The following BLACAT1 variants were observed in gnomAD, a reference collection of about 807,000 sequenced individuals.
The protein encoded by BLACAT1 is BLACAT1 overlapping LEMD1 locus, also known as bladder cancer associated transcript 1.
chr1:205,438,225 C>A (rs1388799664), downstream of BLACAT1, among the ~76,000 whole-genome samples: 2 of 152,220 alleles, frequency 1.3e-5, no homozygotes, highest in Admixed American at 1.3e-4. Flanking sequence ...CACCCATCTG[C>A]AAGGAGGAAT....
downstream of BLACAT1, chr1:205,437,912 A>C (rs1666234531): frequency 6.6e-6 from 1 of 152,126 alleles, no homozygotes; most frequent in Non-Finnish European, 1.5e-5. Flanking sequence ...TCAGTTAGTT[A>C]ATTATTGCTC....
At chr1:205,435,180 C>G (rs1240794089), downstream of BLACAT1, 1 of 152,298 alleles carries the variant, frequency 6.6e-6, no homozygotes, top group South Asian at 2.1e-4. Context: ...GTCTTGAGGA[C>G]GTGAAATGTA....
At chr1:205,435,145 A>T (rs919007571), downstream of BLACAT1, 2 of 152,204 alleles carry the variant, frequency 1.3e-5, no homozygotes, top group African/African-American at 4.8e-5. Flanking sequence ...TACAGAATTA[A>T]TCCAGACCTG....
chr1:205,449,963 A>G (rs1666467821), intron 1 of BLACAT1: 2 of 150,126 alleles, frequency 1.3e-5, no homozygotes. Flanking sequence ...TCACTCCTCC[A>G]CTCACCCCGA....
At chr1:205,445,791 CAG>C (rs1365906239) in intron 1 of BLACAT1, among the ~76,000 whole-genome samples, 5 of 152,296 alleles carry the variant, frequency 3.3e-5, no homozygotes, top group Non-Finnish European at 7.4e-5. Context: ...CCTGGTGGAC[CAG>C]ACTGTCAGCG....
downstream of BLACAT1, chr1:205,435,247 G>A (rs1199185740): frequency 1.3e-5 from 2 of 152,250 alleles, no homozygotes; most frequent in African/African-American, 4.8e-5. Flanking sequence ...CTACATAGGG[G>A]TATATAGGTG....
chr1:205,452,744 A>G (rs557667725), intron 1 of BLACAT1, among the ~76,000 whole-genome samples: 6 of 152,036 alleles, frequency 3.9e-5, no homozygotes, highest in Non-Finnish European at 8.8e-5. Context: ...GCCTTTGCCT[A>G]TGGTGGAAGG....
chr1:205,451,569 G>T (rs1026812804), intron 1 of BLACAT1, among the ~76,000 whole-genome samples: 1 of 152,002 alleles, frequency 6.6e-6, no homozygotes, highest in African/African-American at 2.4e-5. Flanking sequence ...TGGTCGGGGG[G>T]GTAACCAAGA....
At position 205,445,809 on chromosome 1, in the gene BLACAT1, A is replaced by G. The variant is rs372421080; in HGVS notation, c.-36-4747T>C. Among the ~76,000 whole-genome samples, 13 of 152,352 alleles carry G rather than the reference A, an allele frequency of 8.5e-5. 1 individual carries two copies. The highest frequency in any genetic ancestry group is 3.1e-4 in the African/African-American group (13 of 41,596). The stretch of plus-strand genomic sequence containing the variant: ...GGTGGACCAGACTGTCAGCGCCAGA[A>G]TGAACCCCAAAGGTCAAACTTTAGT... On this transcript the variant is annotated intron_variant, in intron 1 of 1. Coordinates refer to ENST00000629624, the Ensembl canonical transcript of BLACAT1.
At chr1:205,445,956 G>C (rs1391000689) in intron 1 of BLACAT1, among the ~76,000 whole-genome samples, 1 of 152,176 alleles carries the variant, frequency 6.6e-6, no homozygotes. Context: ...TACAATAAGA[G>C]AGAGTCATCT....
chr1:205,442,236 C>G (rs564368134), intron 1 of BLACAT1, among the ~76,000 whole-genome samples: 4 of 152,042 alleles, frequency 2.6e-5, no homozygotes, highest in Non-Finnish European at 1.5e-5. Context: ...CCAAGTGCTG[C>G]GGGGAAGGAG....
At chr1:205,440,418 T>C (rs1666272729) in exon 2 of BLACAT1, among the ~76,000 whole-genome samples, 1 of 152,202 alleles carries the variant, frequency 6.6e-6, no homozygotes, top group South Asian at 2.1e-4. Flanking sequence ...AAAGGATTCT[T>C]GCCCCAGGTC....
intron 1 of BLACAT1, among the ~76,000 whole-genome samples, chr1:205,444,403 C>A (rs1666349071): frequency 2.0e-5 from 3 of 151,996 alleles, no homozygotes; most frequent in African/African-American, 7.3e-5. Context: ...GGGAGCCAAG[C>A]AGAAGAGATG....
chr1:205,449,561 T>C (rs1666458701), intron 1 of BLACAT1, among the ~76,000 whole-genome samples: 1 of 152,050 alleles, frequency 6.6e-6, no homozygotes. Flanking sequence ...GAATCCTGCA[T>C]TCCCCAACAA....
In BLACAT1 at chr1:205,450,493, T is replaced by C. The variant is rs1666481508; in HGVS notation, c.-37+5424A>G. ...CAGCCCTGGTTCCTCTCCTCACCCATACCCCTATTCTGCTCCCACCACTCC... is the reference window on the plus strand; with the variant it reads ...CAGCCCTGGTTCCTCTCCTCACCCACACCCCTATTCTGCTCCCACCACTCC... On this transcript the variant is annotated intron_variant, in intron 1 of 1. Coordinates refer to ENST00000629624, the Ensembl canonical transcript of BLACAT1. This position sits in a 1 kb window ranked among gnomAD's most constrained non-coding sequence, Gnocchi z 4.4. 7.1e-6 allele frequency among the ~76,000 whole-genome samples: 1 copy of C among 141,302 alleles called. No individual in the cohort carries two copies. Among genetic ancestry groups the C allele is most frequent in the Admixed American group, 7.1e-5 (1 of 14,182 alleles). 92.7% of individuals were successfully genotyped at this position (141,302 alleles called of 152,430 possible).
At chr1:205,446,991 G>A (rs1195661852) in intron 1 of BLACAT1, among the ~76,000 whole-genome samples, 1 of 152,254 alleles carries the variant, frequency 6.6e-6, no homozygotes, top group Non-Finnish European at 1.5e-5. Context: ...GGTGATTGGA[G>A]TTGGGCCACG....
At chr1:205,447,176 C>G (rs1666406438) in intron 1 of BLACAT1, among the ~76,000 whole-genome samples, 1 of 152,216 alleles carries the variant, frequency 6.6e-6, no homozygotes, top group African/African-American at 2.4e-5. Context: ...GGGTTCACGT[C>G]CCAGTTGTGC....
intron 1 of BLACAT1, among the ~76,000 whole-genome samples, chr1:205,453,437 C>T (rs1354973310): frequency 1.3e-5 from 2 of 152,136 alleles, no homozygotes; most frequent in African/African-American, 2.4e-5. Context: ...CCCCAGCCCC[C>T]TGAGGTAAAG....
At chr1:205,451,211 C>T (rs1575014165) in intron 1 of BLACAT1, among the ~76,000 whole-genome samples, 1 of 152,286 alleles carries the variant, frequency 6.6e-6, no homozygotes, top group East Asian at 1.9e-4. Context: ...GAGGCAGTCA[C>T]CTTTGAGGTC....
Sources: gnomAD v4.1 joint callset for allele counts (sites outside exome capture counted in the v4.1 genomes callset) on GRCh38, gnomAD v4.1.1 for gene constraint, Gnocchi (gnomAD v3.1) non-coding constraint, MANE v1.5 for transcripts, NCBI Gene and HGNC (gene_info 2026-07-23, HGNC 2026-07-21) for gene names.